Variants in MCC observed in about 807,000 individuals in gnomAD.
MCC encodes the protein MCC regulator of Wnt signaling pathway.
In MCC, 90 loss-of-function variants were observed where a neutral mutation model predicts 116.2. The observed-to-expected ratio is 0.77, with a 90% CI of 0.65 to 0.92. MCC has a LOEUF of 0.92. Among genes scored for constraint, MCC ranks in the 40% least tolerant of loss-of-function variants. The probability of loss-of-function intolerance (pLI) is 0.00; values close to 1 mark genes in which losing one functional copy is unlikely to be tolerated. For missense variants in MCC, 1,516 were observed against 1,312.2 expected, an observed-to-expected ratio of 1.16 and a Z score of -2.40; for synonymous variants, 578 against 510.5, an observed-to-expected ratio of 1.13 and a Z score of -1.78.
intron 3 of MCC, among the ~76,000 whole-genome samples, chr5:113,195,506 T>C (rs1762358997): frequency 6.6e-6 from 1 of 152,144 alleles, no homozygotes; most frequent in Admixed American, 6.5e-5. Context: ...CTTTAATGCA[T>C]TTCCAATTGC....
chr5:113,073,115 G>T lies in MCC; in HGVS notation c.1785-1881C>A, dbSNP rs113492758. Among the ~76,000 whole-genome samples, 60 of 148,984 alleles carry T rather than the reference G, an allele frequency of 4.0e-4. 2 individuals are homozygous for T. The highest frequency in any genetic ancestry group is 1.3e-3 in the African/African-American group (54 of 40,470). On this transcript the variant is annotated intron_variant, in intron 11 of 18. Coordinates refer to ENST00000408903, the MANE Select transcript of MCC (RefSeq NM_001085377.2). ...TTTTTCAGTTCATCAGCTGTCATTTGTGTTAGTGTATTTTATGTTTGGCCC... is the reference window on the plus strand; with the variant it reads ...TTTTTCAGTTCATCAGCTGTCATTTTTGTTAGTGTATTTTATGTTTGGCCC...
In MCC at chr5:113,406,802, C is replaced by G. The variant is rs369796684; in HGVS notation, c.171-21590G>C. ...GTCACTGATATCCTACCAGCAGGTT[C>G]AACCAGAAGTCCTGCATGCAGAGAA... On this transcript the variant is annotated intron_variant, in intron 1 of 18. Transcript: ENST00000408903. Among the ~76,000 whole-genome samples, 27 of 152,260 alleles carry G rather than the reference C, an allele frequency of 1.8e-4. 4 individuals are homozygous for G. Among genetic ancestry groups the G allele is most frequent in the Admixed American group, 7.2e-4 (11 of 15,288 alleles).
intron 3 of MCC, among the ~76,000 whole-genome samples, chr5:113,229,248 G>A (rs541085949): frequency 6.6e-6 from 1 of 152,260 alleles, no homozygotes; most frequent in East Asian, 1.9e-4. Context: ...AGACAGCTGT[G>A]TTCTGGCCAC....
At chr5:113,340,479 C>T in intron 3 of MCC, 40 bp downstream of exon 3, 1 of 1,543,892 alleles carries the variant, frequency 6.5e-7, no homozygotes. Flanking sequence ...GGAATACAGA[C>T]AGGCCGAAAT....
At chr5:113,389,036 A>T (rs544212385) in intron 1 of MCC, among the ~76,000 whole-genome samples, 1 of 152,216 alleles carries the variant, frequency 6.6e-6, no homozygotes, top group Non-Finnish European at 1.5e-5. Context: ...ATCAAACCAG[A>T]AAATTACAAT....
At chr5:113,362,406 T>C (rs1768572698) in intron 2 of MCC, among the ~76,000 whole-genome samples, 1 of 152,246 alleles carries the variant, frequency 6.6e-6, no homozygotes, top group Non-Finnish European at 1.5e-5. Context: ...ATGTTCCATA[T>C]ACATTTGAAA....
At chr5:113,191,448 G>A (rs1033882625) in intron 3 of MCC, among the ~76,000 whole-genome samples, 2 of 152,188 alleles carry the variant, frequency 1.3e-5, no homozygotes, top group Non-Finnish European at 2.9e-5. Context: ...TCCTAGGCAT[G>A]GCCCTACCGA....
chr5:113,064,630 G>C (rs1753461137), intron 13 of MCC, among the ~76,000 whole-genome samples: 1 of 152,190 alleles, frequency 6.6e-6, no homozygotes, highest in African/African-American at 2.4e-5. Context: ...AGCCCTGTGT[G>C]GGGGCAAGAG....
At position 113,252,299 on chromosome 5, in the gene MCC, G is replaced by C. The variant is rs146556410; in HGVS notation, c.627+88220C>G. ...AGCAGGAGGTGAGTGGTGGGTGGGCGAGTGAGAGAAGCTTCATCTGTATTT... is the reference window on the plus strand; with the variant it reads ...AGCAGGAGGTGAGTGGTGGGTGGGCCAGTGAGAGAAGCTTCATCTGTATTT... On this transcript the variant is annotated intron_variant, in intron 3 of 18. Coordinates refer to ENST00000408903, the MANE Select transcript of MCC (RefSeq NM_001085377.2). 7.8e-4 allele frequency among the ~76,000 whole-genome samples: 119 copies of C among 152,298 alleles called. 2 individuals carry two copies. In the East Asian group the frequency reaches 0.021, roughly 26 times the overall value.
At chr5:113,479,314 G>T (rs527653903) in intron 1 of MCC, among the ~76,000 whole-genome samples, 1 of 152,156 alleles carries the variant, frequency 6.6e-6, no homozygotes, top group Non-Finnish European at 1.5e-5. Context: ...GCAGGGGACT[G>T]GGTCTGGGGT....
intron 3 of MCC, among the ~76,000 whole-genome samples, chr5:113,312,444 C>G (rs1767158272): frequency 6.6e-6 from 1 of 152,002 alleles, no homozygotes; most frequent in African/African-American, 2.4e-5. Context: ...CAGAAGTTAA[C>G]CAGGTGAAGG....
At chr5:113,451,827 A>C (rs1159760797) in intron 1 of MCC, among the ~76,000 whole-genome samples, 1 of 152,250 alleles carries the variant, frequency 6.6e-6, no homozygotes, top group African/African-American at 2.4e-5. Flanking sequence ...CTGCTGTGTA[A>C]CAAACCAATC....
chr5:113,219,922 T>C (rs1369797486), intron 3 of MCC, among the ~76,000 whole-genome samples: 1 of 151,806 alleles, frequency 6.6e-6, no homozygotes, highest in Non-Finnish European at 1.5e-5. Context: ...ACTCACAACA[T>C]CCTCCCGGTC....
intron 2 of MCC, among the ~76,000 whole-genome samples, chr5:113,384,448 C>G (rs975541501): frequency 1.3e-5 from 2 of 152,012 alleles, no homozygotes; most frequent in South Asian, 2.1e-4. Flanking sequence ...ATTAGCTGGG[C>G]GTGGTAGCAG....
chr5:113,384,213 C>T (rs1381318640), intron 2 of MCC, among the ~76,000 whole-genome samples: 1 of 152,170 alleles, frequency 6.6e-6, no homozygotes, highest in South Asian at 2.1e-4. Context: ...TTTCCAACTG[C>T]TTATCTTGCA....
intron 3 of MCC, chr5:113,295,053 G>A: frequency 6.5e-6 from 4 of 611,502 alleles, no homozygotes; most frequent in Non-Finnish European, 8.2e-6. Flanking sequence ...GAGCAGAGGA[G>A]ACCGTGCTGG....
chr5:113,381,578 A>G (rs1398596914), intron 2 of MCC, among the ~76,000 whole-genome samples: 1 of 152,082 alleles, frequency 6.6e-6, no homozygotes, highest in East Asian at 1.9e-4. Flanking sequence ...GCTTGAGTCC[A>G]AGAGTTGAGA....
chr5:113,330,914 A>C (rs150126117), intron 3 of MCC, among the ~76,000 whole-genome samples: 1 of 152,356 alleles, frequency 6.6e-6, no homozygotes, highest in African/African-American at 2.4e-5. Context: ...CCACCTCACT[A>C]TCTGTTGGTG....
At chr5:113,066,950 C>T (rs555594751) in intron 13 of MCC, among the ~76,000 whole-genome samples, 23 of 152,228 alleles carry the variant, frequency 1.5e-4, no homozygotes, top group Admixed American at 9.8e-4. Flanking sequence ...AGGGGGTGTC[C>T]GGGGCTTAGT....
Sources: allele counts gnomAD v4.1 joint callset (sites outside exome capture counted in the v4.1 genomes callset), GRCh38; gene constraint gnomAD v4.1.1; transcripts MANE v1.5; gene names NCBI Gene and HGNC (gene_info 2026-07-23, HGNC 2026-07-21).